The following DOK3 variants were observed in gnomAD, a reference collection of about 807,000 sequenced individuals.
DOK3 encodes Dok-like protein.
A neutral mutation model predicts 26.2 loss-of-function variants in DOK3; 23 were observed. The observed-to-expected ratio is 0.88, with a 90% CI of 0.63 to 1.24. The LOEUF (loss-of-function observed/expected upper bound fraction) is 1.24, where lower values mean the gene tolerates loss of function less well. Ranked by LOEUF, DOK3 falls within the 50% of genes most tolerant of loss-of-function variation. DOK3 has a pLI of 0.00. For missense variants in DOK3, 619 were observed against 610.6 expected (o/e 1.01, Z -0.15); for synonymous variants, 268 against 268.2 (o/e 1.00, Z 0.01).
At chr5:177,511,073 G>C (rs1348608999), upstream of DOK3, 2 of 152,358 alleles carry the variant, frequency 1.3e-5, no homozygotes, top group Non-Finnish European at 2.9e-5. Flanking sequence ...CAGCAGAGCT[G>C]GGCACAGAGC....
intron 3 of DOK3, among the ~76,000 whole-genome samples, chr5:177,505,884 C>T (rs1226175900): frequency 6.6e-6 from 1 of 152,174 alleles, no homozygotes; most frequent in African/African-American, 2.4e-5. Context: ...CTACAGGTGC[C>T]CGCCACCAGG....
chr5:177,504,352 G>T lies in DOK3; in HGVS notation c.954C>A (p.Asn318Lys). The change falls in exon 6 of 6, where the codon AAC (asparagine) becomes AAA (lysine). Residue 318 changes from asparagine (N) to lysine (K), a missense_variant. Transcript: ENST00000510898. ...AAGCGTAGAGCCCGGACGCCAGATC[G>T]TTGGGCTCCGGGCCTAGCAGTAGCG... ...SLPLLLGPEP[N>K]DLASGLYASV... is the part of the protein sequence containing the mutation. 6.3e-7 allele frequency: 1 copy of T among 1,579,124 alleles called. No homozygotes were observed. Among genetic ancestry groups the T allele is most frequent in the Middle Eastern group, 1.7e-4 (1 of 5,882 alleles).
chr5:177,503,193 G>GT lies in DOK3; in HGVS notation c.*789dup. The GT allele has an allele frequency of 6.4e-7, 1 of 1,551,612 alleles. No individual in the cohort carries two copies. Among genetic ancestry groups the GT allele is most frequent in the East Asian group, 2.4e-5 (1 of 40,906 alleles). On this transcript the variant is annotated 3_prime_UTR_variant, in exon 6 of 6. Transcript: ENST00000510898. ...GCAGAGGAGGGAACGCAGCATGGAA[G>GT]TCTTCAGGAAACTTCTCTCCCCCTG...
chr5:177,503,573 T>C lies in DOK3; in HGVS notation c.*410A>G. 1 of 1,313,994 alleles carries C rather than the reference T, an allele frequency of 7.6e-7. No homozygotes were observed. The highest frequency in any genetic ancestry group is 2.9e-5 in the Admixed American group (1 of 34,402). The allele number at this position is 1,313,994 out of a possible 1,614,324, so 81.4% of individuals were successfully genotyped here. A position where few individuals can be genotyped will look rare whatever the true frequency, so the allele number is the denominator to read the frequency against. On this transcript the variant is annotated 3_prime_UTR_variant, in exon 6 of 6. Coordinates refer to ENST00000510898, the MANE Select transcript of DOK3 (RefSeq NM_001308236.3). Reference sequence around the variant, plus strand: ...AGTAAGCCTCACAGCTCCCTCCGCCTGCCTCTTCGTGTCACTCGGCCGTGC... The same window carrying C: ...AGTAAGCCTCACAGCTCCCTCCGCCCGCCTCTTCGTGTCACTCGGCCGTGC...
rs1229853282 is a variant in DOK3, at chr5:177,504,801, C to A, written c.587G>T (p.Gly196Val). ...GGGCCAGCTGTAGAGGGCCTGGGTG[C>A]CCTTGGCCTCCCTCAGCTGGATGGC... ...PDAIQLREAK[G>V]TQALYSWPYH... The change falls in exon 5 of 6, where the codon GGC becomes GTC. Residue 196 changes from glycine (G) to valine (V), a missense_variant. Gly to Val is a moderately radical substitution (Grantham distance 109). Coordinates refer to ENST00000510898, the MANE Select transcript of DOK3 (RefSeq NM_001308236.3). The A allele has an allele frequency of 6.8e-6, 11 of 1,613,836 alleles. No individual in the cohort carries two copies. The highest frequency in any genetic ancestry group is 1.7e-5 in the Admixed American group (1 of 59,994).
chr5:177,506,180 C>G (rs1760132114), intron 3 of DOK3, among the ~76,000 whole-genome samples: 1 of 152,010 alleles, frequency 6.6e-6, no homozygotes, highest in African/African-American at 2.4e-5. Context: ...TCTCGAACTC[C>G]TGACCTCAGG....
chr5:177,505,174 A>T, intron 3 of DOK3, 64 bp from the exon 4 acceptor site: 1 of 1,428,288 alleles, frequency 7.0e-7, no homozygotes, highest in Non-Finnish European at 9.5e-7. Flanking sequence ...CCCTCCCCTC[A>T]GTATCCCAGA....
At position 177,502,688 on chromosome 5, in the gene DOK3, G is replaced by C; in HGVS notation, c.*1295C>G. 1 of 216,330 alleles carries C rather than the reference G, an allele frequency of 4.6e-6. No homozygotes were observed. Among genetic ancestry groups the C allele is most frequent in the South Asian group, 1.4e-4 (1 of 7,224 alleles). 13.4% of individuals were successfully genotyped at this position (216,330 alleles called of 1,614,324 possible). A position where few individuals can be genotyped will look rare whatever the true frequency, so the allele number is the denominator to read the frequency against. On this transcript the variant is annotated 3_prime_UTR_variant, in exon 6 of 6. Transcript: ENST00000510898. ...CTAGGGAACAGGGTCTCTTGTGGCA[G>C]GGAGTGCCTGCCTTGCACTGTTAAG...
At position 177,505,113 on chromosome 5, in the gene DOK3, G is replaced by C. The variant is rs375410524; in HGVS notation, c.373-3C>G. On this transcript the variant is annotated splice_region_variant and splice_polypyrimidine_tract_variant and intron_variant, in intron 3 of 5. Transcript: ENST00000510898. Reference sequence around the variant, plus strand: ...CCTGAGGAGGCCTCCCCTGTCCCCTGGGGAATGAGTTCAAGTCAAAGGTGA... The same window carrying C: ...CCTGAGGAGGCCTCCCCTGTCCCCTCGGGAATGAGTTCAAGTCAAAGGTGA... 1 of 1,602,294 alleles carries C rather than the reference G, an allele frequency of 6.2e-7. No homozygotes were observed. The highest frequency in any genetic ancestry group is 2.2e-5 in the East Asian group (1 of 44,820).
chr5:177,509,627 G>A lies in DOK3; in HGVS notation c.-87C>T. 1.3e-6 allele frequency: 2 copies of A among 1,591,172 alleles called. No homozygotes were observed. The highest frequency in any genetic ancestry group is 1.7e-6 in the Non-Finnish European group (2 of 1,166,884). ...GGGAACTCCTCACACTTCCCCTTCT[G>A]GCCACTTCCCGTCCCTCCGTCTAGA... On this transcript the variant is annotated 5_prime_UTR_variant, in exon 2 of 6. Transcript: ENST00000510898.
chr5:177,508,201 C>T, intron 3 of DOK3, 36 bp downstream of exon 3: 4 of 1,327,986 alleles, frequency 3.0e-6, no homozygotes, highest in Non-Finnish European at 2.9e-6. Flanking sequence ...GGGGCAGGTG[C>T]CCCAGCCCAA....
At chr5:177,508,189 C>CG in intron 3 of DOK3, 48 bp downstream of exon 3, 2 of 1,399,290 alleles carry the variant, frequency 1.4e-6, no homozygotes, top group East Asian at 2.6e-5. Flanking sequence ...GTGGACAAGT[C>CG]GGGGGCAGGT....
At chr5:177,507,071 C>A (rs1760290230) in intron 3 of DOK3, among the ~76,000 whole-genome samples, 1 of 152,174 alleles carries the variant, frequency 6.6e-6, no homozygotes. Flanking sequence ...ACATGGAAGC[C>A]CTGTACCCAT....
chr5:177,510,093 C>G (rs773131046), upstream of DOK3: 89 of 619,540 alleles, frequency 1.4e-4, no homozygotes, highest in Non-Finnish European at 2.3e-4. Context: ...GGCATCCCCC[C>G]AGGGGCCACT....
At chr5:177,510,089 C>A (rs576564447), upstream of DOK3, 31 of 622,530 alleles carry the variant, frequency 5.0e-5, no homozygotes, top group Admixed American at 2.3e-4. Context: ...CTTTGGCATC[C>A]CCCCAGGGGC....
chr5:177,503,475 C>T lies in DOK3; in HGVS notation c.*508G>A. ...AATCCCTTCCACCTGCACCCCGCCCCCACTGCCTCCTCCCAGCTCGGGCCT... is the reference window on the plus strand; with the variant it reads ...AATCCCTTCCACCTGCACCCCGCCCTCACTGCCTCCTCCCAGCTCGGGCCT... On this transcript the variant is annotated 3_prime_UTR_variant, in exon 6 of 6. Coordinates refer to ENST00000510898, the MANE Select transcript of DOK3 (RefSeq NM_001308236.3). 6.9e-7 allele frequency: 1 copy of T among 1,458,594 alleles called. No individual in the cohort carries two copies. The highest frequency in any genetic ancestry group is 1.4e-5 in the South Asian group (1 of 69,412). 90.4% of individuals were successfully genotyped at this position (1,458,594 alleles called of 1,614,324 possible).
chr5:177,508,120 T>C, intron 3 of DOK3, 117 bp downstream of exon 3: 1 of 1,254,270 alleles, frequency 8.0e-7, no homozygotes, highest in Non-Finnish European at 1.1e-6. Context: ...TAGATTTACT[T>C]TTCCCAGGCT....
At position 177,505,104 on chromosome 5, in the gene DOK3, CT is replaced by C; in HGVS notation, c.378del (p.Glu128ArgfsTer49). ...GPICQLAFPGTGEASSGSTDA... is the reference protein window; with the variant it reads ...GPICQLAFPGXGEASSGSTDA... ...TCTGTGGATCCTGAGGAGGCCTCCC[CT>C]GTCCCCTGGGGAATGAGTTCAAGTC... On this transcript the variant is annotated frameshift_variant, in exon 4 of 6. Coordinates refer to ENST00000510898, the MANE Select transcript of DOK3 (RefSeq NM_001308236.3). LOFTEE classifies it high-confidence loss of function. 1 of 1,607,718 alleles carries C rather than the reference CT, an allele frequency of 6.2e-7. No individual in the cohort carries two copies. The highest frequency in any genetic ancestry group is 8.5e-7 in the Non-Finnish European group (1 of 1,177,358).
rs914484316 is a variant in DOK3, at chr5:177,503,787, T to C, written c.*196A>G. 6 of 1,424,108 alleles carry C rather than the reference T, an allele frequency of 4.2e-6. No homozygotes were observed. Among genetic ancestry groups the C allele is most frequent in the Non-Finnish European group, 5.5e-6 (6 of 1,093,930 alleles). The allele number at this position is 1,424,108 out of a possible 1,614,324, so 88.2% of individuals were successfully genotyped here. A position where few individuals can be genotyped will look rare whatever the true frequency, so the allele number is the denominator to read the frequency against. On this transcript the variant is annotated 3_prime_UTR_variant, in exon 6 of 6. Transcript: ENST00000510898. ...CCCTGCCGGGAGCTGCTCTGAGCTT[T>C]ATTATCTGTGAGTCTGCACACTATT...
Sources: gnomAD v4.1 joint callset for allele counts (sites outside exome capture counted in the v4.1 genomes callset) on GRCh38, gnomAD v4.1.1 for gene constraint, MANE v1.5 for transcripts, NCBI Gene and HGNC (gene_info 2026-07-23, HGNC 2026-07-21) for gene names.